Variants in MAP2K6 observed in about 807,000 individuals in gnomAD.
MAP2K6 encodes the protein mitogen-activated protein kinase kinase 6, also known as dual specificity mitogen-activated protein kinase kinase 6.
A neutral mutation model predicts 53.7 loss-of-function variants in MAP2K6; 16 were observed. That is an observed-to-expected ratio of 0.30 (90% CI 0.20 to 0.45). The LOEUF is 0.45. MAP2K6 is among the 20% of genes least tolerant of loss of function. MAP2K6 has a pLI of 1.00. For missense variants in MAP2K6, 204 were observed against 411.9 expected (o/e 0.50, Z 4.37); for synonymous variants, 132 against 143.1 (o/e 0.92, Z 0.55).
chr17:69,512,819 A>G (rs1909926529), intron 2 of MAP2K6, among the ~76,000 whole-genome samples: 1 of 152,190 alleles, frequency 6.6e-6, no homozygotes, highest in African/African-American at 2.4e-5. Context: ...TCTCTTGCCC[A>G]AATAGGTGCT....
chr17:69,456,758 T>C (rs993387875), intron 1 of MAP2K6, among the ~76,000 whole-genome samples: 1 of 152,150 alleles, frequency 6.6e-6, no homozygotes, highest in African/African-American at 2.4e-5. Flanking sequence ...TTGTGGGTAT[T>C]GACCATTTCA....
intron 2 of MAP2K6, among the ~76,000 whole-genome samples, chr17:69,510,394 G>C (rs1909752352): frequency 6.6e-6 from 1 of 152,126 alleles, no homozygotes; most frequent in Admixed American, 6.5e-5. Flanking sequence ...GCTTTTGGGA[G>C]ATGTTGGTCT....
chr17:69,447,456 C>T (rs1907007873), intron 1 of MAP2K6, among the ~76,000 whole-genome samples: 1 of 152,026 alleles, frequency 6.6e-6, no homozygotes, highest in Non-Finnish European at 1.5e-5. Flanking sequence ...AGTGATTCTC[C>T]AGCCTCAGCC....
intron 1 of MAP2K6, among the ~76,000 whole-genome samples, chr17:69,441,334 A>G (rs563591263): frequency 6.6e-6 from 1 of 150,866 alleles, no homozygotes; most frequent in African/African-American, 2.4e-5. Flanking sequence ...TTTTCTCTCT[A>G]TTTTTCAAAT....
intron 1 of MAP2K6, among the ~76,000 whole-genome samples, chr17:69,417,637 G>C (rs1905947591): frequency 6.6e-6 from 1 of 152,236 alleles, no homozygotes. Context: ...AATGCCTTTT[G>C]AGGAAATCTG....
chr17:69,541,448 T>C (rs895988803), intron 11 of MAP2K6, among the ~76,000 whole-genome samples: 4 of 152,114 alleles, frequency 2.6e-5, no homozygotes, highest in Non-Finnish European at 5.9e-5. Context: ...AAATTTAATA[T>C]AGTGGAAACC....
chr17:69,485,189 C>T (rs1908486479), intron 1 of MAP2K6: 1 of 152,142 alleles, frequency 6.6e-6, no homozygotes, highest in South Asian at 2.1e-4. Flanking sequence ...TCAAACTCTT[C>T]AGTAGCAAAC....
intron 1 of MAP2K6, among the ~76,000 whole-genome samples, chr17:69,423,242 G>A (rs1288739573): frequency 1.3e-5 from 2 of 152,034 alleles, no homozygotes; most frequent in South Asian, 2.1e-4. Flanking sequence ...ATTTTTAAAT[G>A]ATTGAAAAAA....
At chr17:69,438,783 C>G (rs1176474938) in intron 1 of MAP2K6, among the ~76,000 whole-genome samples, 1 of 152,124 alleles carries the variant, frequency 6.6e-6, no homozygotes, top group Non-Finnish European at 1.5e-5. Context: ...TGGGGTCTTA[C>G]TATGCTGCCC....
At chr17:69,481,192 T>G (rs1434207442) in intron 1 of MAP2K6, among the ~76,000 whole-genome samples, 2 of 152,168 alleles carry the variant, frequency 1.3e-5, no homozygotes, top group Non-Finnish European at 2.9e-5. Flanking sequence ...TTACTTTCTG[T>G]CTGTATGAAT....
chr17:69,541,342 C>T (rs185762565), intron 11 of MAP2K6, among the ~76,000 whole-genome samples: 26 of 152,222 alleles, frequency 1.7e-4, no homozygotes, highest in African/African-American at 6.0e-4. Flanking sequence ...TTGTGGGGCC[C>T]AGGGCTATTT....
In MAP2K6 at chr17:69,551,346, C is replaced by T. The variant is rs1912092114; in HGVS notation, c.*9593C>T. The T allele has an allele frequency of 6.6e-6, 1 of 152,242 alleles. No homozygotes were observed. The highest frequency in any genetic ancestry group is 2.1e-4 in the South Asian group (1 of 4,828). 9.4% of individuals were successfully genotyped at this position (152,242 alleles called of 1,614,324 possible). A position where few individuals can be genotyped will look rare whatever the true frequency, so the allele number is the denominator to read the frequency against. ...GAAGGGTAATGGAAACCTGGTACAGCCTTTAGAAGTTGGAAGCTATGGTGG... is the reference window on the plus strand; with the variant it reads ...GAAGGGTAATGGAAACCTGGTACAGTCTTTAGAAGTTGGAAGCTATGGTGG... On this transcript the variant is annotated 3_prime_UTR_variant, in exon 12 of 12. Coordinates refer to ENST00000590474, the MANE Select transcript of MAP2K6 (RefSeq NM_002758.4).
chr17:69,541,338 G>C (rs1255196327), intron 11 of MAP2K6, among the ~76,000 whole-genome samples: 3 of 152,104 alleles, frequency 2.0e-5, no homozygotes, highest in Admixed American at 1.3e-4. Context: ...GACCTTGTGG[G>C]GCCCAGGGCT....
intron 1 of MAP2K6, among the ~76,000 whole-genome samples, chr17:69,482,738 G>A (rs1598283355): frequency 6.6e-6 from 1 of 151,942 alleles, no homozygotes; most frequent in African/African-American, 2.4e-5. Flanking sequence ...TAAAAAACTT[G>A]TACATACATC....
chr17:69,454,747 T>C (rs1236419437), intron 1 of MAP2K6, among the ~76,000 whole-genome samples: 1 of 152,144 alleles, frequency 6.6e-6, no homozygotes, highest in Admixed American at 6.6e-5. Flanking sequence ...GTAATTTTTG[T>C]TATTAAGGCA....
chr17:69,534,078 C>G (rs866573812), intron 10 of MAP2K6, among the ~76,000 whole-genome samples: 2 of 152,130 alleles, frequency 1.3e-5, no homozygotes, highest in African/African-American at 4.8e-5. Flanking sequence ...TTACAGGATG[C>G]TTAGCAACAT....
chr17:69,516,421 G>A lies in MAP2K6; in HGVS notation c.84-434G>A, dbSNP rs577238268. 2.6e-5 allele frequency among the ~76,000 whole-genome samples: 4 copies of A among 152,268 alleles called. No individual in the cohort carries two copies. The South Asian group carries it at 8.3e-4, about 32-fold the overall frequency. On this transcript the variant is annotated intron_variant, in intron 2 of 11. Coordinates refer to ENST00000590474, the MANE Select transcript of MAP2K6 (RefSeq NM_002758.4). ...CGATGGGGAGCTACTGTAAGTACAG[G>A]TGAAGCTTCTCTCCTTCACCCACCA...
intron 10 of MAP2K6, among the ~76,000 whole-genome samples, chr17:69,527,082 A>G (rs1329857955): frequency 6.6e-6 from 1 of 152,214 alleles, no homozygotes; most frequent in Non-Finnish European, 1.5e-5. Context: ...GAAAGGAAAC[A>G]TATTCCAAAC....
At chr17:69,505,545 G>T (rs1909421773) in intron 1 of MAP2K6, 3 of 369,488 alleles carry the variant, frequency 8.1e-6, no homozygotes, top group Admixed American at 8.4e-5. Context: ...CCTGATGTTT[G>T]CCCCCTGGAC....
Sources: gnomAD v4.1 joint callset for allele counts (sites outside exome capture counted in the v4.1 genomes callset) on GRCh38, gnomAD v4.1.1 for gene constraint, MANE v1.5 for transcripts, NCBI Gene and HGNC (gene_info 2026-07-23, HGNC 2026-07-21) for gene names.